The following CDH18 variants were observed in gnomAD, a reference collection of about 807,000 sequenced individuals.
CDH18 encodes cadherin 18, also known as cadherin-18.
A neutral mutation model predicts 67.9 loss-of-function variants in CDH18; 31 were observed. That is an observed-to-expected ratio of 0.46 (90% CI 0.34 to 0.62). The LOEUF is 0.62. CDH18 is among the 20% of genes least tolerant of loss of function. The pLI is 0.01. For synonymous variants in CDH18, 362 were observed against 347.2 expected, an observed-to-expected ratio of 1.04 and a Z score of -0.48; for missense variants, 890 against 975.5, an observed-to-expected ratio of 0.91 and a Z score of 1.17.
rs1031229135 is a variant in CDH18, at chr5:19,994,467, A to C, written c.-517-2453T>G. 1.0e-4 allele frequency among the ~76,000 whole-genome samples: 15 copies of C among 150,732 alleles called. 1 individual carries two copies. Among genetic ancestry groups the C allele is most frequent in the African/African-American group, 3.6e-4 (15 of 41,130 alleles). ...AGTTTTTGATATAAACAATGCTTTA[A>C]TGAACATCTCCGTTTATAAATTTTT... is the stretch of plus-strand genomic sequence containing the variant. On this transcript the variant is annotated intron_variant, in intron 2 of 14. Coordinates refer to the CDH18 transcript ENST00000507958.
intron 3 of CDH18, among the ~76,000 whole-genome samples, chr5:19,780,652 G>A (rs756599536): frequency 6.6e-6 from 1 of 151,912 alleles, no homozygotes; most frequent in Non-Finnish European, 1.5e-5. Context: ...TTTCATTTCT[G>A]CTTCAAAACC....
intron 3 of CDH18, among the ~76,000 whole-genome samples, chr5:19,786,748 A>G (rs1775818722): frequency 6.6e-6 from 1 of 152,116 alleles, no homozygotes; most frequent in Non-Finnish European, 1.5e-5. Context: ...GTGCACCTAG[A>G]GAAAATCCTA....
At chr5:19,788,031 G>T (rs1775995250) in intron 3 of CDH18, among the ~76,000 whole-genome samples, 1 of 151,626 alleles carries the variant, frequency 6.6e-6, no homozygotes, top group Admixed American at 6.6e-5. Context: ...TACTTTGTTG[G>T]ATCTATAAAA....
rs979568417 is a variant in CDH18 at position 19,726,121 on chromosome 5, A to T, written c.524-4655T>A. On this transcript the variant is annotated intron_variant, in intron 4 of 12. Transcript: ENST00000382275. Reference sequence around the variant, plus strand: ...CTCTGTTTAGCTTGGGGTGTCTATAAAAGTCCAGCCTTGTTAAGTGAGAGT... The same window carrying T: ...CTCTGTTTAGCTTGGGGTGTCTATATAAGTCCAGCCTTGTTAAGTGAGAGT... 2.6e-5 allele frequency among the ~76,000 whole-genome samples: 4 copies of T among 152,320 alleles called. 1 individual carries two copies. In the South Asian group the frequency reaches 8.3e-4, roughly 32 times the overall value.
intron 2 of CDH18, among the ~76,000 whole-genome samples, chr5:19,921,424 G>C (rs1240928330): frequency 2.6e-5 from 4 of 151,214 alleles, no homozygotes; most frequent in African/African-American, 7.4e-5. Context: ...CCAGCTACTC[G>C]GGAGGCTGAG....
chr5:20,069,276 T>C (rs1743241439), intron 2 of CDH18, among the ~76,000 whole-genome samples: 1 of 152,220 alleles, frequency 6.6e-6, no homozygotes, highest in Non-Finnish European at 1.5e-5. Flanking sequence ...TGAGGCTTTT[T>C]GCCATAAGTA....
intron 1 of CDH18, among the ~76,000 whole-genome samples, chr5:20,294,738 G>T (rs989074599): frequency 6.6e-6 from 1 of 152,114 alleles, no homozygotes; most frequent in African/African-American, 2.4e-5. Flanking sequence ...ACATCCTTCT[G>T]TGTAGCATGG....
chr5:20,070,236 T>C (rs1743357955), intron 2 of CDH18, among the ~76,000 whole-genome samples: 1 of 152,226 alleles, frequency 6.6e-6, no homozygotes, highest in Non-Finnish European at 1.5e-5. Context: ...TTTATTTCTT[T>C]TTAGCACTGA....
intron 2 of CDH18, among the ~76,000 whole-genome samples, chr5:20,147,628 G>A (rs1257853212): frequency 1.3e-5 from 2 of 151,874 alleles, no homozygotes; most frequent in Non-Finnish European, 2.9e-5. Flanking sequence ...TTTTGCTTTT[G>A]TTTCTATTTT....
At chr5:19,959,516 T>A (rs1429716700) in intron 2 of CDH18, among the ~76,000 whole-genome samples, 1 of 152,082 alleles carries the variant, frequency 6.6e-6, no homozygotes, top group Non-Finnish European at 1.5e-5. Context: ...AGAAAACTCA[T>A]TTTGTGACTT....
chr5:20,125,055 A>C (rs894980036), intron 2 of CDH18, among the ~76,000 whole-genome samples: 1 of 152,224 alleles, frequency 6.6e-6, no homozygotes, highest in Non-Finnish European at 1.5e-5. Context: ...CCTGTTATCT[A>C]CATTGAATTT....
At chr5:20,182,639 A>G (rs1456638380) in intron 2 of CDH18, among the ~76,000 whole-genome samples, 2 of 150,536 alleles carry the variant, frequency 1.3e-5, no homozygotes, top group South Asian at 4.2e-4. Context: ...GCATTTTGAG[A>G]AGGGATTAAG....
At chr5:20,268,896 C>T (rs976147103) in intron 1 of CDH18, among the ~76,000 whole-genome samples, 62 of 152,242 alleles carry the variant, frequency 4.1e-4, no homozygotes, top group African/African-American at 1.2e-3. Context: ...AACTAAAATG[C>T]TTCTGCGCAA....
At chr5:20,290,213 G>A (rs1451645150) in intron 1 of CDH18, among the ~76,000 whole-genome samples, 1 of 152,048 alleles carries the variant, frequency 6.6e-6, no homozygotes, top group Admixed American at 6.6e-5. Context: ...AGAACCTCTT[G>A]GGGTGGTCTC....
intron 8 of CDH18, among the ~76,000 whole-genome samples, chr5:19,558,947 C>A (rs750048200): frequency 4.6e-5 from 7 of 151,922 alleles, no homozygotes; most frequent in Non-Finnish European, 7.4e-5. Context: ...GGAATGTATC[C>A]ATCTCCTCTT....
chr5:19,648,333 G>T (rs1165634193), intron 5 of CDH18, among the ~76,000 whole-genome samples: 1 of 151,980 alleles, frequency 6.6e-6, no homozygotes, highest in African/African-American at 2.4e-5. Flanking sequence ...GAGAATCACA[G>T]GATCCCAAAA....
chr5:20,497,976 C>A (rs547105984), intron 1 of CDH18, among the ~76,000 whole-genome samples: 1 of 152,024 alleles, frequency 6.6e-6, no homozygotes, highest in Non-Finnish European at 1.5e-5. Context: ...AGCTGTCTTG[C>A]CCTTTCCCCC....
chr5:20,384,929 C>G (rs1405485103), intron 1 of CDH18, among the ~76,000 whole-genome samples: 4 of 152,056 alleles, frequency 2.6e-5, no homozygotes, highest in Non-Finnish European at 4.4e-5. Flanking sequence ...CTCCGCCTCC[C>G]GGGTTCTAGT....
At chr5:19,792,105 A>G (rs1373296178) in intron 3 of CDH18, among the ~76,000 whole-genome samples, 1 of 152,160 alleles carries the variant, frequency 6.6e-6, no homozygotes, top group African/African-American at 2.4e-5. Flanking sequence ...AGGCCCACAG[A>G]GCTGATAAAA....
Sources: gnomAD v4.1 joint callset for allele counts (sites outside exome capture counted in the v4.1 genomes callset) on GRCh38, gnomAD v4.1.1 for gene constraint, MANE v1.5 for transcripts, NCBI Gene and HGNC (gene_info 2026-07-23, HGNC 2026-07-21) for gene names.